Variants in PSMA6 observed in about 807,000 individuals in gnomAD.
The protein encoded by PSMA6 is proteasome 20S subunit alpha 6.
For synonymous variants in PSMA6, 88 were observed against 97.7 expected, an observed-to-expected ratio of 0.90 and a Z score of 0.59; for missense variants, 170 against 294.8, an observed-to-expected ratio of 0.58 and a Z score of 3.10.
At chr14:35,317,100 G>A in intron 6 of PSMA6, 149 bp from the exon 7 acceptor site, 2 of 613,350 alleles carry the variant, frequency 3.3e-6, no homozygotes, top group Non-Finnish European at 5.9e-6. Flanking sequence ...ATAAGTGTGT[G>A]TATAGATTTT....
intron 1 of PSMA6, among the ~76,000 whole-genome samples, chr14:35,279,503 A>G (rs939555058): frequency 2.0e-5 from 3 of 152,254 alleles, no homozygotes; most frequent in Non-Finnish European, 4.4e-5. Context: ...CTGTGTTCAC[A>G]GAAGCTGAAC....
intron 1 of PSMA6, among the ~76,000 whole-genome samples, chr14:35,306,333 G>A (rs141303990): frequency 5.7e-4 from 87 of 151,912 alleles, no homozygotes; most frequent in Middle Eastern, 3.5e-3. Flanking sequence ...GATATGGGAG[G>A]ATCGCTTGAG....
chr14:35,300,749 G>A (rs751686503), intron 1 of PSMA6, among the ~76,000 whole-genome samples: 39 of 151,964 alleles, frequency 2.6e-4, no homozygotes, highest in Non-Finnish European at 5.0e-4. Flanking sequence ...CACTTTCCCC[G>A]CTCTTCTAGA....
At chr14:35,292,173 T>G (rs2051493153), upstream of PSMA6, 2 of 519,930 alleles carry the variant, frequency 3.8e-6, no homozygotes, top group African/African-American at 4.0e-5. Flanking sequence ...GTCAATTCAT[T>G]CTCCAGATGA....
intron 1 of PSMA6, among the ~76,000 whole-genome samples, chr14:35,296,319 G>GTGTTTGTT (rs140678103): frequency 6.2e-4 from 94 of 151,696 alleles, no homozygotes; most frequent in African/African-American, 1.8e-3. Context: ...TGTTTTCTGG[G>GTGTTTGTT]TGTTTGTTTG....
At chr14:35,283,622 C>G (rs1052282091) in intron 1 of PSMA6, among the ~76,000 whole-genome samples, 5 of 148,624 alleles carry the variant, frequency 3.4e-5, no homozygotes, top group African/African-American at 7.4e-5. Flanking sequence ...GTGATGCAAT[C>G]ATAGCTCACT....
At chr14:35,315,669 G>C (rs1266942079) in intron 6 of PSMA6, 1 of 151,204 alleles carries the variant, frequency 6.6e-6, no homozygotes, top group Non-Finnish European at 1.5e-5. Flanking sequence ...TGAGGGGTGG[G>C]GGCAGGGATC....
intron 1 of PSMA6, among the ~76,000 whole-genome samples, chr14:35,305,283 C>T (rs931719363): frequency 6.6e-6 from 1 of 152,044 alleles, no homozygotes; most frequent in African/African-American, 2.4e-5. Flanking sequence ...ACTGGGACCA[C>T]AGGTGTACCA....
intron 1 of PSMA6, chr14:35,293,027 T>C (rs1421273509): frequency 2.2e-6 from 1 of 457,048 alleles, no homozygotes; most frequent in Non-Finnish European, 4.4e-6. Context: ...TCCTAGGAGA[T>C]ACAAATGTGA....
chr14:35,300,181 G>A (rs533612720), intron 1 of PSMA6, among the ~76,000 whole-genome samples: 5 of 152,176 alleles, frequency 3.3e-5, no homozygotes, highest in Middle Eastern at 3.4e-3. Flanking sequence ...TGTAGAAATG[G>A]GATTAGAAAG....
Position 35,310,864 on chromosome 14 carries a change from A to G in PSMA6, c.378A>G (p.Thr126=), listed in dbSNP as rs752288203. The change falls in exon 4 of 7, where the codon ACA becomes ACG. Residue 126 remains threonine (T), a synonymous_variant. Coordinates refer to ENST00000261479, the MANE Select transcript of PSMA6 (RefSeq NM_002791.3). ...KRIADISQVY[T]QNAEMRPLGC... ...TTGCCGATATTTCTCAGGTCTACAC[A>G]CAGAATGCTGAAATGAGGCCTCTTG... The G allele has an allele frequency of 8.7e-6, 14 of 1,613,918 alleles. No individual in the cohort carries two copies. The South Asian group carries it at 1.4e-4, about 16-fold the overall frequency.
Position 35,292,565 on chromosome 14 carries a change from G to T in PSMA6, c.76+13G>T, listed in dbSNP as rs1331944027. ...CTCTACCAAGTAGGTGAGTGAACCAGGTTCGCCTGTGGGCCACCTGAATTG... is the reference window on the plus strand; with the variant it reads ...CTCTACCAAGTAGGTGAGTGAACCATGTTCGCCTGTGGGCCACCTGAATTG... On this transcript the variant is annotated intron_variant, in intron 1 of 6. Coordinates refer to ENST00000261479, the MANE Select transcript of PSMA6 (RefSeq NM_002791.3). 1 of 1,612,764 alleles carries T rather than the reference G, an allele frequency of 6.2e-7. No homozygotes were observed. Among genetic ancestry groups the T allele is most frequent in the Non-Finnish European group, 8.5e-7 (1 of 1,179,248 alleles).
At chr14:35,287,553 T>C (rs1337100122), upstream of PSMA6, among the ~76,000 whole-genome samples, 1 of 152,182 alleles carries the variant, frequency 6.6e-6, no homozygotes, top group Non-Finnish European at 1.5e-5. Context: ...ACTGCCACTT[T>C]CTACCTTTGC....
At chr14:35,310,494 G>C (rs1414417554) in intron 3 of PSMA6, among the ~76,000 whole-genome samples, 5 of 152,174 alleles carry the variant, frequency 3.3e-5, no homozygotes, top group African/African-American at 1.2e-4. Context: ...AAACTATTTT[G>C]ACTGCTGATG....
chr14:35,282,484 C>T (rs1380412196), intron 1 of PSMA6, among the ~76,000 whole-genome samples: 2 of 152,092 alleles, frequency 1.3e-5, no homozygotes, highest in Non-Finnish European at 2.9e-5. Context: ...TGGTCCTGAA[C>T]TCCTGGCCTC....
In PSMA6 at chr14:35,278,719, G is replaced by GT. The variant is rs2051332311; in HGVS notation, c.19+2dup. ...GTGGCTATGGCAGGTCTTCGGAGAG[G>GT]TAAGTCCCTCACTCAGACTTGTTGC... On this transcript the variant is annotated splice_donor_variant, in intron 1 of 6. Coordinates refer to the PSMA6 transcript ENST00000540871. LOFTEE classifies it high-confidence loss of function. 3 of 1,534,310 alleles carry GT rather than the reference G, an allele frequency of 2.0e-6. No individual in the cohort carries two copies. Among genetic ancestry groups the GT allele is most frequent in the Non-Finnish European group, 1.7e-6 (2 of 1,146,632 alleles).
At chr14:35,305,645 CCA>C (rs1253372831) in intron 1 of PSMA6, among the ~76,000 whole-genome samples, 15 of 152,272 alleles carry the variant, frequency 9.9e-5, no homozygotes, top group Admixed American at 4.6e-4. Flanking sequence ...GACTCAGTGC[CCA>C]GAGTGACACT....
chr14:35,309,417 A>G (rs968661835), intron 3 of PSMA6, among the ~76,000 whole-genome samples: 1 of 152,172 alleles, frequency 6.6e-6, no homozygotes, highest in African/African-American at 2.4e-5. Context: ...TGGGAGGCCA[A>G]GGTGAGAGGA....
chr14:35,291,384 ATT>A (rs982001787), upstream of PSMA6, among the ~76,000 whole-genome samples: 1 of 151,760 alleles, frequency 6.6e-6, no homozygotes, highest in Non-Finnish European at 1.5e-5. Context: ...CGCCTGGCTA[ATT>A]TTTTTTGTAT....
Sources: gnomAD v4.1 joint callset for allele counts (sites outside exome capture counted in the v4.1 genomes callset) on GRCh38, gnomAD v4.1.1 for gene constraint, MANE v1.5 for transcripts, NCBI Gene and HGNC (gene_info 2026-07-23, HGNC 2026-07-21) for gene names.